PLXNA4: variants seen among roughly 807,000 people sequenced by gnomAD.
The protein encoded by PLXNA4 is plexin-A4.
PLXNA4 carries 44 observed loss-of-function variants against 191.8 expected under a neutral mutation model. The ratio of observed to expected loss-of-function variants is 0.23; its 90% CI spans 0.18 to 0.29. The LOEUF is 0.29. PLXNA4 is among the 10% of genes least tolerant of loss of function. The probability of loss-of-function intolerance (pLI) is 1.00; values close to 1 mark genes in which losing one functional copy is unlikely to be tolerated. For missense variants in PLXNA4, 1,800 were observed against 2,488.8 expected, an observed-to-expected ratio of 0.72 and a Z score of 5.89; for synonymous variants, 1,082 against 1,009.5, an observed-to-expected ratio of 1.07 and a Z score of -1.36.
At chr7:132,633,282 ATTTT>A (rs10706159) in intron 2 of PLXNA4, among the ~76,000 whole-genome samples, 13 of 134,316 alleles carry the variant, frequency 9.7e-5, no homozygotes, top group African/African-American at 1.9e-4. Context: ...TGAGGTTCTC[ATTTT>A]TTTTTTTTTT....
At chr7:132,171,601 G>GT (rs1429350216) in intron 21 of PLXNA4, among the ~76,000 whole-genome samples, 1 of 152,194 alleles carries the variant, frequency 6.6e-6, no homozygotes, top group Admixed American at 6.5e-5. Context: ...CACACTTGGT[G>GT]TGAGGATCCA....
At chr7:132,562,996 TCCTC>T (rs1801353194) in intron 1 of PLXNA4, among the ~76,000 whole-genome samples, 4 of 106,856 alleles carry the variant, frequency 3.7e-5, no homozygotes, top group African/African-American at 7.5e-5. Flanking sequence ...CTCCTCCTCC[TCCTC>T]CTTCTCCTCC....
intron 4 of PLXNA4, among the ~76,000 whole-genome samples, chr7:132,296,226 A>AAT (rs1306239597): frequency 3.3e-5 from 5 of 152,136 alleles, no homozygotes; most frequent in Non-Finnish European, 5.9e-5. Flanking sequence ...ATGTGCCCAT[A>AAT]ATATGGAGTT....
intron 10 of PLXNA4, among the ~76,000 whole-genome samples, chr7:132,206,631 C>G (rs560687519): frequency 3.9e-5 from 6 of 152,230 alleles, no homozygotes; most frequent in Admixed American, 1.3e-4. Flanking sequence ...CCCCTCAGCC[C>G]CGCTCTGTCT....
chr7:132,149,981 G>GC (rs1795548559), intron 25 of PLXNA4, among the ~76,000 whole-genome samples: 1 of 152,218 alleles, frequency 6.6e-6, no homozygotes, highest in African/African-American at 2.4e-5. Flanking sequence ...TAAAATCTAA[G>GC]CCCCTTGCCT....
At chr7:132,590,142 CTCTGGGTCATCTGACT>C (rs1802580054) in intron 2 of PLXNA4, among the ~76,000 whole-genome samples, 1 of 152,130 alleles carries the variant, frequency 6.6e-6, no homozygotes, top group South Asian at 2.1e-4. Flanking sequence ...CTGAAAAGAC[CTCTGGGTCATCTGACT>C]TCTTATGCTA....
chr7:132,133,079 G>A lies in PLXNA4; in HGVS notation c.5559C>T (p.Ile1853=). The A allele has an allele frequency of 1.2e-6, 2 of 1,614,168 alleles. No individual in the cohort carries two copies. The change falls in exon 31 of 32, where the codon ATC becomes ATT. Residue 1853 remains isoleucine (I), a synonymous_variant. Transcript: ENST00000321063. ...EFNTMSALSE[I]FSYVGKYSEE... ...CGCTGTATTTGCCCACATAGGAGAA[G>A]ATCTCTGAGAGTGCACTCATGGTGT...
At chr7:132,569,860 G>T (rs915987102) in intron 1 of PLXNA4, among the ~76,000 whole-genome samples, 1 of 152,168 alleles carries the variant, frequency 6.6e-6, no homozygotes, top group East Asian at 1.9e-4. Flanking sequence ...GCACAATTCT[G>T]CTTGAGAATC....
At chr7:132,648,416 A>G (rs1803926698) in intron 1 of PLXNA4, 1 of 152,246 alleles carries the variant, frequency 6.6e-6, no homozygotes, top group Non-Finnish European at 1.5e-5. Flanking sequence ...TAAGAGCTGT[A>G]TCTCAGCTTT....
chr7:132,398,798 G>A (rs76230470), intron 3 of PLXNA4, among the ~76,000 whole-genome samples: 4,865 of 152,286 alleles, frequency 0.032, 115 homozygotes, highest in South Asian at 0.047. Context: ...TCGCCAGCTC[G>A]AGGTGGACAG....
intron 3 of PLXNA4, among the ~76,000 whole-genome samples, chr7:132,411,238 T>C (rs977905593): frequency 1.3e-5 from 2 of 152,214 alleles, no homozygotes; most frequent in Non-Finnish European, 2.9e-5. Context: ...CCAAGTTCTC[T>C]TGGAGCTGGG....
At chr7:132,316,132 T>C (rs547129259) in intron 3 of PLXNA4, among the ~76,000 whole-genome samples, 1 of 152,318 alleles carries the variant, frequency 6.6e-6, no homozygotes, top group Non-Finnish European at 1.5e-5. Context: ...GGCACTGTCA[T>C]TCCTTTAACA....
chr7:132,457,399 G>A (rs938684674), intron 3 of PLXNA4, among the ~76,000 whole-genome samples: 2 of 152,284 alleles, frequency 1.3e-5, no homozygotes, highest in African/African-American at 4.8e-5. Context: ...TTAAGCACAT[G>A]TCCCCCATTG....
At chr7:132,368,149 G>C (rs1360897799) in intron 3 of PLXNA4, among the ~76,000 whole-genome samples, 1 of 152,108 alleles carries the variant, frequency 6.6e-6, no homozygotes, top group Non-Finnish European at 1.5e-5. Flanking sequence ...TGTTGATTGG[G>C]GCCAATGTCA....
intron 3 of PLXNA4, among the ~76,000 whole-genome samples, chr7:132,427,546 T>C (rs1795094592): frequency 6.6e-6 from 1 of 152,170 alleles, no homozygotes; most frequent in African/African-American, 2.4e-5. Flanking sequence ...CTAAAAGAAT[T>C]GAACCTGGGC....
At chr7:132,623,424 C>A (rs1803311182) in intron 2 of PLXNA4, among the ~76,000 whole-genome samples, 1 of 152,118 alleles carries the variant, frequency 6.6e-6, no homozygotes, top group Admixed American at 6.5e-5. Flanking sequence ...ACCCTGATTA[C>A]ATTCCAATAA....
chr7:132,294,572 A>G (rs1034171602), intron 4 of PLXNA4, among the ~76,000 whole-genome samples: 10 of 152,210 alleles, frequency 6.6e-5, no homozygotes, highest in African/African-American at 2.4e-4. Flanking sequence ...TTGGAGGGCT[A>G]TTGCAAATAT....
At chr7:132,200,062 A>G (rs989955210) in intron 12 of PLXNA4, among the ~76,000 whole-genome samples, 1 of 152,212 alleles carries the variant, frequency 6.6e-6, no homozygotes, top group Non-Finnish European at 1.5e-5. Flanking sequence ...ATCTGGCAGC[A>G]GTGTCTCCAT....
intron 4 of PLXNA4, among the ~76,000 whole-genome samples, chr7:132,294,079 A>G (rs1367967083): frequency 6.6e-6 from 1 of 152,260 alleles, no homozygotes; most frequent in East Asian, 1.9e-4. Flanking sequence ...ATACAGAACA[A>G]TTATTAAGAA....
Sources: allele counts gnomAD v4.1 joint callset (sites outside exome capture counted in the v4.1 genomes callset), GRCh38; gene constraint gnomAD v4.1.1; transcripts MANE v1.5; gene names NCBI Gene and HGNC (gene_info 2026-07-23, HGNC 2026-07-21).